DNM1: variants seen among roughly 807,000 people sequenced by gnomAD.
DNM1 encodes dynamin-1.
A neutral mutation model predicts 104.6 loss-of-function variants in DNM1; 29 were observed. That is an observed-to-expected ratio of 0.28 (90% CI 0.21 to 0.38). DNM1 has a LOEUF of 0.38. Ranked by LOEUF, DNM1 falls within the 10% of genes least tolerant of loss-of-function variation. DNM1 has a pLI of 1.00. For missense variants in DNM1, 640 were observed against 1,189.4 expected (o/e 0.54, Z 6.79); for synonymous variants, 445 against 475.8 (o/e 0.94, Z 0.84).
At position 128,248,758 on chromosome 9, in the gene DNM1, G is replaced by T; in HGVS notation, c.2076+5G>T. 6.2e-7 allele frequency: 1 copy of T among 1,610,826 alleles called. No individual in the cohort carries two copies. The highest frequency in any genetic ancestry group is 8.5e-7 in the Non-Finnish European group (1 of 1,177,214). On this transcript the variant is annotated splice_donor_5th_base_variant and intron_variant, in intron 19 of 21. Coordinates refer to ENST00000372923, the MANE Select transcript of DNM1 (RefSeq NM_004408.4). This position sits in a 1 kb window ranked among gnomAD's most constrained non-coding sequence, Gnocchi z 5.6. ...ATGCACCTCATGATTAACAATGTGC[G>T]TGCTCCACTGCATGGGGGCAGGGAA...
At position 128,247,895 on chromosome 9, in the gene DNM1, G is replaced by T. The variant is rs1378925715; in HGVS notation, c.1894-29G>T. ...GCTGTGCTCCCTGGTGGTGGCGGCG[G>T]TGGCAATGTTGGTGTGTGGGCCTCC... On this transcript the variant is annotated intron_variant, in intron 17 of 21. Coordinates refer to ENST00000372923, the MANE Select transcript of DNM1 (RefSeq NM_004408.4). The surrounding 1 kb of genome is among the most constrained non-coding windows in gnomAD (Gnocchi z 5.1). 6.2e-7 allele frequency: 1 copy of T among 1,612,208 alleles called. No individual in the cohort carries two copies. Among genetic ancestry groups the T allele is most frequent in the Admixed American group, 1.7e-5 (1 of 59,838 alleles).
chr9:128,233,789 C>T (rs550453752), intron 10 of DNM1: 49 of 566,202 alleles, frequency 8.7e-5, no homozygotes, highest in African/African-American at 7.0e-4. Flanking sequence ...GAAGAGGGCC[C>T]GGAACCAGGA....
chr9:128,218,342 C>G lies in DNM1; in HGVS notation c.235+38C>G. 6.2e-7 allele frequency: 1 copy of G among 1,605,588 alleles called. No homozygotes were observed. Among genetic ancestry groups the G allele is most frequent in the South Asian group, 1.1e-5 (1 of 90,924 alleles). ...CTTCACCAGCAGCCAGGCCTGCCCA[C>G]TCCAGCCTCTCCCCCGTCCCCAAGC... On this transcript the variant is annotated intron_variant, in intron 2 of 21. Transcript: ENST00000372923. This position sits in a 1 kb window ranked among gnomAD's most constrained non-coding sequence, Gnocchi z 4.8.
chr9:128,244,393 C>A (rs1836615852), intron 15 of DNM1, among the ~76,000 whole-genome samples: 1 of 151,952 alleles, frequency 6.6e-6, no homozygotes, highest in African/African-American at 2.4e-5. Flanking sequence ...ACTAGGACCA[C>A]TGGGGATGTG....
rs1834747676 is a variant in DNM1, at chr9:128,218,500, T to G, written c.236-82T>G. ...GCTTGGGTGTGTCTAGGGGGTTCTA[T>G]TACCGGTGGGAGATGAAAACCCCCA... is the stretch of plus-strand genomic sequence containing the variant. On this transcript the variant is annotated intron_variant, in intron 2 of 21. Transcript: ENST00000372923. The surrounding 1 kb of genome is among the most constrained non-coding windows in gnomAD (Gnocchi z 4.8). 2.0e-5 allele frequency: 31 copies of G among 1,514,730 alleles called. No individual in the cohort carries two copies. In the South Asian group the frequency reaches 3.6e-4, roughly 18 times the overall value. The allele number at this position is 1,514,730 out of a possible 1,614,324, so 93.8% of individuals were successfully genotyped here. A position where few individuals can be genotyped will look rare whatever the true frequency, so the allele number is the denominator to read the frequency against.
intron 4 of DNM1, 151 bp from the exon 5 acceptor site, chr9:128,219,837 G>T: frequency 3.5e-6 from 2 of 571,662 alleles, no homozygotes; most frequent in South Asian, 5.7e-5. Flanking sequence ...AAATCATTTT[G>T]GCTACTCTGT....
In DNM1 at chr9:128,243,188, G is replaced by A. The variant is rs1032126996; in HGVS notation, c.1671+843G>A. Among the ~76,000 whole-genome samples the A allele has an allele frequency of 2.6e-5, 4 of 152,154 alleles. No individual in the cohort carries two copies. The highest frequency in any genetic ancestry group is 4.4e-5 in the Non-Finnish European group (3 of 67,992). ...TCCCCGCCCACTAGGGTGCACAGAA[G>A]CCCCTGCCACCTCCTTCCCCTGTTG... On this transcript the variant is annotated intron_variant, in intron 15 of 21. Coordinates refer to ENST00000372923, the MANE Select transcript of DNM1 (RefSeq NM_004408.4). This position sits in a 1 kb window ranked among gnomAD's most constrained non-coding sequence, Gnocchi z 4.0.
chr9:128,252,704 T>G (rs1319715728), intron 21 of DNM1: 2 of 487,486 alleles, frequency 4.1e-6, no homozygotes, highest in Non-Finnish European at 8.0e-6. Context: ...AGCTGGACTT[T>G]AGCGAGCAAG....
intron 1 of DNM1, among the ~76,000 whole-genome samples, chr9:128,212,494 C>CAAGG (rs971124094): frequency 6.6e-6 from 1 of 151,592 alleles, no homozygotes; most frequent in Admixed American, 6.6e-5. Context: ...AGGAAGGAAT[C>CAAGG]AAGGAAGGAA....
At chr9:128,244,611 C>T (rs1836637726) in intron 15 of DNM1, 2 of 351,366 alleles carry the variant, frequency 5.7e-6, no homozygotes, top group African/African-American at 2.1e-5. Context: ...GTGGCACCCC[C>T]ATCCATCTGT....
In DNM1 at chr9:128,224,091, C is replaced by T; in HGVS notation, c.1197-160C>T. ...CAACAAAAAACCCTTCATTAGAACC[C>T]CTCCCTCCCATTTTACAACTGGGGA... is the stretch of plus-strand genomic sequence containing the variant. On this transcript the variant is annotated intron_variant, in intron 9 of 21. Coordinates refer to ENST00000372923, the MANE Select transcript of DNM1 (RefSeq NM_004408.4). This position sits in a 1 kb window ranked among gnomAD's most constrained non-coding sequence, Gnocchi z 4.3. The T allele has an allele frequency of 4.7e-6, 4 of 848,642 alleles. No homozygotes were observed. Among genetic ancestry groups the T allele is most frequent in the Middle Eastern group, 3.7e-4 (1 of 2,722 alleles). 52.6% of individuals were successfully genotyped at this position (848,642 alleles called of 1,614,324 possible).
chr9:128,250,275 A>T lies in DNM1; in HGVS notation c.2237A>T (p.Asn746Ile). Residue 746 changes from asparagine to isoleucine, a missense_variant, in exon 20 of 22, where the codon AAC (asparagine) becomes ATC (isoleucine). This residue lies in a region of DNM1 where 129 missense variants were observed against 224.6 expected (regional missense o/e 0.57). Coordinates refer to ENST00000372923, the MANE Select transcript of DNM1 (RefSeq NM_004408.4). ...GCGCTCAGCATCATCGGCGACATCA[A>T]CACGACCACCGTCAGCACGCCCATG... ...KEALSIIGDINTTTVSTPMPP... is the reference protein window; with the variant it reads ...KEALSIIGDIITTTVSTPMPP... The T allele has an allele frequency of 6.2e-7, 1 of 1,613,376 alleles. No homozygotes were observed. The highest frequency in any genetic ancestry group is 8.5e-7 in the Non-Finnish European group (1 of 1,179,730).
intron 10 of DNM1, chr9:128,232,452 G>A (rs1736214488): frequency 5.9e-6 from 1 of 169,408 alleles, no homozygotes; most frequent in Admixed American, 6.0e-5. Context: ...TGATGGGTGT[G>A]ATGCGGGCAT....
intron 11 of DNM1, among the ~76,000 whole-genome samples, chr9:128,237,310 G>C (rs1836074942): frequency 6.6e-6 from 1 of 151,770 alleles, no homozygotes; most frequent in Admixed American, 6.6e-5. Flanking sequence ...TGCCCAGGCT[G>C]GAGTGCAGTG....
At chr9:128,221,117 T>C (rs1834998834) in intron 6 of DNM1, 1 of 151,236 alleles carries the variant, frequency 6.6e-6, no homozygotes, top group African/African-American at 2.4e-5. Flanking sequence ...TAGATGGAGT[T>C]TTGCTCTTGT....
chr9:128,218,499 A>G lies in DNM1; in HGVS notation c.236-83A>G, dbSNP rs140895959. On this transcript the variant is annotated intron_variant, in intron 2 of 21. Transcript: ENST00000372923. The surrounding 1 kb of genome is among the most constrained non-coding windows in gnomAD (Gnocchi z 4.8). Reference sequence around the variant, plus strand: ...TGCTTGGGTGTGTCTAGGGGGTTCTATTACCGGTGGGAGATGAAAACCCCC... The same window carrying G: ...TGCTTGGGTGTGTCTAGGGGGTTCTGTTACCGGTGGGAGATGAAAACCCCC... 728 of 1,511,632 alleles carry G rather than the reference A, an allele frequency of 4.8e-4. 4 individuals carry two copies. The African/African-American group carries it at 9.0e-3, about 19-fold the overall frequency. The allele number at this position is 1,511,632 out of a possible 1,614,324, so 93.6% of individuals were successfully genotyped here. A position where few individuals can be genotyped will look rare whatever the true frequency, so the allele number is the denominator to read the frequency against.
At chr9:128,212,804 C>CATTT (rs141717369) in intron 1 of DNM1, among the ~76,000 whole-genome samples, 8,384 of 152,270 alleles carry the variant, frequency 0.055, 442 homozygotes, top group African/African-American at 0.14. Context: ...ACCATTCACC[C>CATTT]ATTTTAAAGG....
chr9:128,253,517 A>T lies in DNM1; in HGVS notation c.2535-1137A>T. On this transcript the variant is annotated intron_variant, in intron 21 of 21. Coordinates refer to ENST00000372923, the MANE Select transcript of DNM1 (RefSeq NM_004408.4). The surrounding 1 kb of genome is among the most constrained non-coding windows in gnomAD (Gnocchi z 5.9). Reference sequence around the variant, plus strand: ...TGGGGCTGGACTCTGAGGCGGCCAGAGGCCTAGGAACGTTATCCTGGGCAC... The same window carrying T: ...TGGGGCTGGACTCTGAGGCGGCCAGTGGCCTAGGAACGTTATCCTGGGCAC... 3.5e-6 allele frequency: 1 copy of T among 288,906 alleles called. No homozygotes were observed. The highest frequency in any genetic ancestry group is 6.6e-6 in the Non-Finnish European group (1 of 152,628). The allele number at this position is 288,906 out of a possible 1,614,324, so 17.9% of individuals were successfully genotyped here.
intron 1 of DNM1, among the ~76,000 whole-genome samples, chr9:128,209,642 G>T (rs548411871): frequency 2.0e-5 from 3 of 152,172 alleles, no homozygotes; most frequent in Non-Finnish European, 4.4e-5. Context: ...ATGTGGAGGC[G>T]TGGGGACAGG....
Sources: allele counts gnomAD v4.1 joint callset (sites outside exome capture counted in the v4.1 genomes callset), GRCh38; gene constraint gnomAD v4.1.1; regional missense constraint gnomAD v4.1.1; non-coding constraint Gnocchi (gnomAD v3.1); transcripts MANE v1.5; gene names NCBI Gene and HGNC (gene_info 2026-07-23, HGNC 2026-07-21).